KCTD3: variants seen among roughly 807,000 people sequenced by gnomAD.
KCTD3 encodes potassium channel tetramerization domain containing 3.
A neutral mutation model predicts 85.8 loss-of-function variants in KCTD3; 41 were observed. The ratio of observed to expected loss-of-function variants is 0.48; its 90% confidence interval spans 0.37 to 0.62. KCTD3 has a LOEUF of 0.62. Ranked by LOEUF, KCTD3 falls within the 20% of genes least tolerant of loss-of-function variation. The pLI is 0.00. For synonymous variants in KCTD3, 338 were observed against 345.4 expected (o/e 0.98, Z 0.24); for missense variants, 724 against 989.9 (o/e 0.73, Z 3.60).
intron 9 of KCTD3, 85 bp from the exon 10 acceptor site, chr1:215,595,271 A>G (rs896452083): frequency 1.9e-5 from 15 of 795,070 alleles, no homozygotes; most frequent in Non-Finnish European, 2.8e-5. Context: ...TAAATTAGTC[A>G]CCTTTAAGAT....
In KCTD3 at chr1:215,621,403, C is replaced by T. The variant is rs1655683576; in HGVS notation, c.*785C>T. The T allele has an allele frequency of 6.6e-6, 1 of 151,960 alleles. No homozygotes were observed. The highest frequency in any genetic ancestry group is 1.5e-5 in the Non-Finnish European group (1 of 67,924). 9.4% of individuals were successfully genotyped at this position (151,960 alleles called of 1,614,324 possible). ...TACCAGTTGCTAACCTGTCTTGTTT[C>T]AGGAGCCACCATGTTTTTTTTTCAG... is the stretch of plus-strand genomic sequence containing the variant. On this transcript the variant is annotated 3_prime_UTR_variant, in exon 18 of 18. Transcript: ENST00000259154.
chr1:215,584,682 A>T (rs1659944466), intron 8 of KCTD3, among the ~76,000 whole-genome samples: 1 of 152,178 alleles, frequency 6.6e-6, no homozygotes, highest in African/African-American at 2.4e-5. Flanking sequence ...GGCTTTTATC[A>T]GCTCTATGAG....
chr1:215,578,687 C>G (rs376450817), intron 6 of KCTD3, among the ~76,000 whole-genome samples: 1 of 152,158 alleles, frequency 6.6e-6, no homozygotes, highest in Non-Finnish European at 1.5e-5. Context: ...CACATAATAC[C>G]TGTACCATAA....
rs190347174 is a variant in KCTD3 at position 215,604,463 on chromosome 1, A to G, written c.1309+161A>G. ...TGATTGTCTTTTAAAGATTTCTTTGAGCTGGTCGTGGTGGCTCATGCCTAT... is the reference window on the plus strand; with the variant it reads ...TGATTGTCTTTTAAAGATTTCTTTGGGCTGGTCGTGGTGGCTCATGCCTAT... On this transcript the variant is annotated intron_variant, in intron 13 of 17. Transcript: ENST00000259154. Among the ~76,000 whole-genome samples the G allele has an allele frequency of 3.1e-3, 471 of 152,250 alleles. 3 individuals carry two copies. Among genetic ancestry groups the G allele is most frequent in the African/African-American group, 0.011 (451 of 41,548 alleles).
rs2459573 is a variant in KCTD3 at position 215,582,495 on chromosome 1, G to A, written c.626+2496G>A. On this transcript the variant is annotated intron_variant, in intron 8 of 17. Transcript: ENST00000259154. ...TAGGCAGCAGTAAGATGATGGAGAG[G>A]TGAAATAACAGAGCATATTCTTGTT... Among the ~76,000 whole-genome samples, 1,461 of 152,218 alleles carry A rather than the reference G, an allele frequency of 9.6e-3. 36 individuals carry two copies. The highest frequency in any genetic ancestry group is 0.033 in the African/African-American group (1,372 of 41,542).
intron 5 of KCTD3, 106 bp from the exon 6 acceptor site, chr1:215,577,895 A>G (rs1235752942): frequency 6.6e-7 from 1 of 1,507,678 alleles, no homozygotes; most frequent in African/African-American, 1.4e-5. Context: ...CTTAATTAAA[A>G]TTTTCCTTTT....
In KCTD3 at chr1:215,619,090, G is replaced by A. The variant is rs1367246785; in HGVS notation, c.1747+20G>A. 1 of 1,609,192 alleles carries A rather than the reference G, an allele frequency of 6.2e-7. No homozygotes were observed. The highest frequency in any genetic ancestry group is 1.3e-5 in the African/African-American group (1 of 74,800). ...ATAAGGGTAGGTTCTCATACAGAAAGATGTTTGTCACAAGGTTAAGCTTTT... is the reference window on the plus strand; with the variant it reads ...ATAAGGGTAGGTTCTCATACAGAAAAATGTTTGTCACAAGGTTAAGCTTTT... On this transcript the variant is annotated intron_variant, in intron 16 of 17. Coordinates refer to ENST00000259154, the MANE Select transcript of KCTD3 (RefSeq NM_016121.5).
intron 1 of KCTD3, 151 bp downstream of exon 1, chr1:215,567,919 G>A: frequency 2.1e-6 from 1 of 467,672 alleles, no homozygotes; most frequent in Non-Finnish European, 3.4e-6. Context: ...CAAGAACGTC[G>A]GGCGGATTTT....
intron 9 of KCTD3, among the ~76,000 whole-genome samples, chr1:215,589,949 A>G (rs1319964074): frequency 6.6e-6 from 1 of 152,224 alleles, no homozygotes; most frequent in Non-Finnish European, 1.5e-5. Flanking sequence ...TAAGGTAAAT[A>G]TATAGGAGTG....
chr1:215,603,997 T>C, intron 12 of KCTD3, 135 bp from the exon 13 acceptor site: 1 of 585,476 alleles, frequency 1.7e-6, no homozygotes, highest in Non-Finnish European at 2.9e-6. Context: ...ATTTTTTTTT[T>C]TACTGAACTG....
chr1:215,604,205 A>G lies in KCTD3; in HGVS notation c.1212A>G (p.Pro404=). ...SGAVRVIVQH[P]ETVGSGPQLF... is the part of the protein sequence containing the mutation. ...CAGTACGAGTGATTGTACAACACCC[A>G]GAGACAGTTGGGTCAGGTCCTCAGC... The change falls in exon 13 of 18, where the codon CCA becomes CCG. Residue 404 remains proline (P), a synonymous_variant. Transcript: ENST00000259154. The G allele has an allele frequency of 1.9e-6, 3 of 1,613,884 alleles. No homozygotes were observed. The highest frequency in any genetic ancestry group is 2.5e-6 in the Non-Finnish European group (3 of 1,179,790).
At chr1:215,581,067 G>A (rs1421686432) in intron 8 of KCTD3, 4 of 403,336 alleles carry the variant, frequency 9.9e-6, no homozygotes, top group Non-Finnish European at 2.0e-5. Context: ...CCAACATGGT[G>A]AAACCCCATC....
intron 3 of KCTD3, among the ~76,000 whole-genome samples, 193 bp from the exon 4 acceptor site, chr1:215,575,708 C>T (rs1391392220): frequency 6.6e-6 from 1 of 152,062 alleles, no homozygotes; most frequent in Non-Finnish European, 1.5e-5. Flanking sequence ...AAGACACCAT[C>T]TCAAGAAAAA....
intron 9 of KCTD3, among the ~76,000 whole-genome samples, chr1:215,590,032 T>A (rs1660152307): frequency 6.6e-6 from 1 of 152,328 alleles, no homozygotes; most frequent in Non-Finnish European, 1.5e-5. Context: ...CAAAAGTACC[T>A]TTTTACATTT....
At chr1:215,572,179 G>A (rs1185647028) in intron 1 of KCTD3, among the ~76,000 whole-genome samples, 1 of 152,150 alleles carries the variant, frequency 6.6e-6, no homozygotes, top group Non-Finnish European at 1.5e-5. Flanking sequence ...TCAAGTCTCC[G>A]TTTTGTACAG....
intron 1 of KCTD3, among the ~76,000 whole-genome samples, chr1:215,568,061 A>G (rs915502349): frequency 7.2e-5 from 11 of 152,194 alleles, no homozygotes; most frequent in African/African-American, 2.7e-4. Flanking sequence ...ACAGGCAAGG[A>G]GAACCATTAC....
intron 12 of KCTD3, among the ~76,000 whole-genome samples, chr1:215,603,420 T>C (rs184998974): frequency 1.6e-3 from 243 of 152,150 alleles, no homozygotes; most frequent in Middle Eastern, 3.4e-3. Context: ...TTTTTTCCTA[T>C]CTAAATTTGC....
At chr1:215,589,337 G>A (rs548084549) in intron 9 of KCTD3, among the ~76,000 whole-genome samples, 8 of 151,980 alleles carry the variant, frequency 5.3e-5, no homozygotes, top group African/African-American at 1.9e-4. Context: ...TATAGATAGG[G>A]TCTCACTATG....
chr1:215,595,249 G>A lies in KCTD3; in HGVS notation c.818-107G>A. ...CAACACGTATAGCACATAGTTTGTAGTAATGAGAATATAAATTAGTCACCT... is the reference window on the plus strand; with the variant it reads ...CAACACGTATAGCACATAGTTTGTAATAATGAGAATATAAATTAGTCACCT... On this transcript the variant is annotated intron_variant, in intron 9 of 17. Transcript: ENST00000259154. The A allele has an allele frequency of 5.8e-6, 4 of 691,884 alleles. No individual in the cohort carries two copies. The East Asian group carries it at 1.0e-4, about 18-fold the overall frequency. The allele number at this position is 691,884 out of a possible 1,614,324, so 42.9% of individuals were successfully genotyped here. A position where few individuals can be genotyped will look rare whatever the true frequency, so the allele number is the denominator to read the frequency against.
Sources: gnomAD v4.1 joint callset for allele counts (sites outside exome capture counted in the v4.1 genomes callset) on GRCh38, gnomAD v4.1.1 for gene constraint, MANE v1.5 for transcripts, NCBI Gene and HGNC (gene_info 2026-07-23, HGNC 2026-07-21) for gene names.